Variants in PARD3B observed in about 807,000 individuals in gnomAD.
The protein encoded by PARD3B is partitioning defective 3 homolog B.
PARD3B carries 103 observed loss-of-function variants against 130.2 expected under a neutral mutation model. The observed-to-expected ratio is 0.79, with a 90% CI of 0.67 to 0.93. The LOEUF (loss-of-function observed/expected upper bound fraction) is 0.93. PARD3B is among the 40% of genes least tolerant of loss of function. The pLI is 0.00. For missense variants in PARD3B, 1,609 were observed against 1,499.2 expected (o/e 1.07, Z -1.21); for synonymous variants, 583 against 553.2 (o/e 1.05, Z -0.76).
chr2:204,819,778 A>G (rs1157364618), intron 2 of PARD3B, among the ~76,000 whole-genome samples: 1 of 152,144 alleles, frequency 6.6e-6, no homozygotes, highest in Non-Finnish European at 1.5e-5. Context: ...TGATATGGAG[A>G]AGGTTGAGTA....
chr2:205,261,463 T>C (rs1296428672), intron 16 of PARD3B, among the ~76,000 whole-genome samples: 1 of 152,172 alleles, frequency 6.6e-6, no homozygotes, highest in Non-Finnish European at 1.5e-5. Flanking sequence ...TAATGCAGAT[T>C]AGAGCACACA....
intron 21 of PARD3B, among the ~76,000 whole-genome samples, chr2:205,523,217 G>GTATATATATATATATATATTTA (rs1559176093): frequency 1.0e-4 from 6 of 58,538 alleles, no homozygotes; most frequent in African/African-American, 2.6e-4. Context: ...ATATGTGTGT[G>GTATATATATATATATATATTTA]TGTGTGTGTA....
chr2:205,522,371 GGTTTTTTATTTAA>G (rs1228258321), intron 21 of PARD3B, among the ~76,000 whole-genome samples: 1 of 151,324 alleles, frequency 6.6e-6, no homozygotes, highest in Non-Finnish European at 1.5e-5. Flanking sequence ...CAAGGAATTA[GGTTTTTTATTTAA>G]GTTTTTATTA....
rs1011237368 is a variant in PARD3B at position 205,446,433 on chromosome 2, C to T, written c.3044+5761C>T. On this transcript the variant is annotated intron_variant, in intron 20 of 22. Coordinates refer to ENST00000406610, the MANE Select transcript of PARD3B (RefSeq NM_001302769.2). This position sits in a 1 kb window ranked among gnomAD's most constrained non-coding sequence, Gnocchi z 4.4. ...AAGGGAAGATTATAATATAGCCTTG[C>T]ATCCTGTGATGGTTAAATATGATTT... Among the ~76,000 whole-genome samples the T allele has an allele frequency of 2.6e-5, 4 of 152,172 alleles. No individual in the cohort carries two copies. The East Asian group carries it at 7.7e-4, about 29-fold the overall frequency.
chr2:205,041,804 T>C (rs1018977980), intron 3 of PARD3B, among the ~76,000 whole-genome samples: 1 of 152,194 alleles, frequency 6.6e-6, no homozygotes, highest in African/African-American at 2.4e-5. Context: ...TGTGGGGCTC[T>C]TGTTTGAAGC....
intron 2 of PARD3B, among the ~76,000 whole-genome samples, chr2:204,941,235 G>A (rs182448573): frequency 4.6e-5 from 7 of 152,258 alleles, no homozygotes; most frequent in South Asian, 4.1e-4. Context: ...TTAGCAGGGC[G>A]TGGTGGCACG....
At chr2:205,417,192 T>A (rs1331235654) in intron 19 of PARD3B, among the ~76,000 whole-genome samples, 1 of 151,332 alleles carries the variant, frequency 6.6e-6, no homozygotes, top group Admixed American at 6.6e-5. Context: ...TGGTTTTCTG[T>A]CCTTGTGATA....
rs560271493 is a variant in PARD3B, at chr2:205,507,818, T to A, written c.3180+7787T>A. Reference sequence around the variant, plus strand: ...ATCGTTAGAAAGAATAGATCTATTATCAAACTTAAATTTGCTGCCATTATT... The same window carrying A: ...ATCGTTAGAAAGAATAGATCTATTAACAAACTTAAATTTGCTGCCATTATT... On this transcript the variant is annotated intron_variant, in intron 21 of 22. Transcript: ENST00000406610. Among the ~76,000 whole-genome samples the A allele has an allele frequency of 8.9e-4, 136 of 152,368 alleles. 1 individual carries two copies. Among genetic ancestry groups the A allele is most frequent in the Admixed American group, 3.0e-3 (46 of 15,310 alleles).
At chr2:205,103,647 T>C (rs556343957) in intron 4 of PARD3B, 1 of 919,424 alleles carries the variant, frequency 1.1e-6, no homozygotes, top group South Asian at 5.0e-5. Context: ...ACTCCACTTA[T>C]GAAGAGACAG....
chr2:204,902,485 C>T (rs569242858), intron 2 of PARD3B, among the ~76,000 whole-genome samples: 1 of 152,038 alleles, frequency 6.6e-6, no homozygotes, highest in East Asian at 2.0e-4. Context: ...CTGGCTAACA[C>T]GGTGAGACCC....
chr2:204,716,623 CT>C (rs35183526), intron 2 of PARD3B, among the ~76,000 whole-genome samples: 70,227 of 97,958 alleles, frequency 0.72, 25,201 homozygotes, highest in South Asian at 0.88. Context: ...ACAGCAACTG[CT>C]TTTTTTTTTT....
At chr2:205,521,833 A>G (rs1186299963) in intron 21 of PARD3B, among the ~76,000 whole-genome samples, 1 of 152,050 alleles carries the variant, frequency 6.6e-6, no homozygotes, top group Non-Finnish European at 1.5e-5. Context: ...CTAGCTTTTC[A>G]TCTGTTTCTA....
At chr2:205,165,909 G>A (rs2034786877) in intron 11 of PARD3B, among the ~76,000 whole-genome samples, 1 of 152,046 alleles carries the variant, frequency 6.6e-6, no homozygotes, top group South Asian at 2.1e-4. Context: ...AGAGATAGGG[G>A]CAGTATACAG....
chr2:205,051,821 T>C (rs1201379910), intron 4 of PARD3B, among the ~76,000 whole-genome samples: 2 of 152,208 alleles, frequency 1.3e-5, no homozygotes, highest in African/African-American at 4.8e-5. Context: ...AATCTGGTAT[T>C]TGTTATTTAA....
chr2:205,376,752 G>A (rs2045071425), intron 18 of PARD3B, among the ~76,000 whole-genome samples: 1 of 152,126 alleles, frequency 6.6e-6, no homozygotes, highest in Non-Finnish European at 1.5e-5. Context: ...GCAGTCCTGA[G>A]GCAAGAGAAA....
At chr2:204,627,262 C>T (rs191028803) in intron 1 of PARD3B, among the ~76,000 whole-genome samples, 135 of 152,222 alleles carry the variant, frequency 8.9e-4, no homozygotes, top group Middle Eastern at 3.4e-3. Flanking sequence ...TGAAAACTGA[C>T]TAATACAACC....
chr2:204,829,338 G>T (rs974323859), intron 2 of PARD3B, among the ~76,000 whole-genome samples: 4 of 152,188 alleles, frequency 2.6e-5, no homozygotes, highest in African/African-American at 9.7e-5. Flanking sequence ...TGAGAAGACT[G>T]AGTCCTAGCA....
intron 2 of PARD3B, among the ~76,000 whole-genome samples, chr2:204,833,129 C>T (rs898547357): frequency 1.3e-5 from 2 of 152,078 alleles, no homozygotes; most frequent in Non-Finnish European, 2.9e-5. Context: ...AAATTGCATG[C>T]CTTATTATGG....
Position 204,677,968 on chromosome 2 carries a change from T to C in PARD3B, c.121-8213T>C, listed in dbSNP as rs944495757. Among the ~76,000 whole-genome samples, 2 of 152,218 alleles carry C rather than the reference T, an allele frequency of 1.3e-5. No homozygotes were observed. Among genetic ancestry groups the C allele is most frequent in the Non-Finnish European group, 2.9e-5 (2 of 68,036 alleles). On this transcript the variant is annotated intron_variant, in intron 1 of 22. Coordinates refer to ENST00000406610, the MANE Select transcript of PARD3B (RefSeq NM_001302769.2). This position sits in a 1 kb window ranked among gnomAD's most constrained non-coding sequence, Gnocchi z 4.1. ...GAGATGGCATGTGCAAAAGGAACAA[T>C]TAGGTATTTCAGTTTGAAAAAGTCA... is the stretch of plus-strand genomic sequence containing the variant.
Sources: allele counts gnomAD v4.1 joint callset (sites outside exome capture counted in the v4.1 genomes callset), GRCh38; gene constraint gnomAD v4.1.1; non-coding constraint Gnocchi (gnomAD v3.1); transcripts MANE v1.5; gene names NCBI Gene and HGNC (gene_info 2026-07-23, HGNC 2026-07-21).